Variants in ADAMTSL1 observed in about 807,000 individuals in gnomAD.
The protein encoded by ADAMTSL1 is ADAMTS like 1, also known as ADAMTS-like protein 1.
Under a neutral mutation model 201.8 loss-of-function variants are expected in ADAMTSL1, and 126 were observed. The ratio of observed to expected loss-of-function variants is 0.62; its 90% CI spans 0.54 to 0.72. ADAMTSL1 has a LOEUF of 0.72. Ranked by LOEUF, ADAMTSL1 falls within the 30% of genes least tolerant of loss-of-function variation. The pLI, the probability that ADAMTSL1 is intolerant of heterozygous loss-of-function variation, is 0.00. For missense variants in ADAMTSL1, 2,679 were observed against 2,277.8 expected (o/e 1.18, Z -3.59); for synonymous variants, 1,121 against 903.4 (o/e 1.24, Z -4.32).
chr9:18,553,885 T>A (rs1358781028), intron 3 of ADAMTSL1, among the ~76,000 whole-genome samples: 1 of 151,842 alleles, frequency 6.6e-6, no homozygotes. Flanking sequence ...TAGAAATGAA[T>A]CATTATTTTA....
At chr9:18,192,817 T>A (rs887411143) in intron 2 of ADAMTSL1, among the ~76,000 whole-genome samples, 2 of 152,154 alleles carry the variant, frequency 1.3e-5, no homozygotes, top group African/African-American at 4.8e-5. Context: ...TAGAGTATTT[T>A]CATATCCCTA....
chr9:18,018,587 G>C (rs1820353742), intron 1 of ADAMTSL1, among the ~76,000 whole-genome samples: 1 of 152,028 alleles, frequency 6.6e-6, no homozygotes, highest in African/African-American at 2.4e-5. Context: ...CTGCAACTTA[G>C]AGATGCCCGT....
intron 2 of ADAMTSL1, among the ~76,000 whole-genome samples, chr9:18,443,507 T>G (rs1820075376): frequency 6.6e-6 from 1 of 152,186 alleles, no homozygotes. Context: ...CTTTTGCTCT[T>G]TAGTAAGCCA....
At chr9:18,242,824 C>T (rs2132455918) in intron 2 of ADAMTSL1, among the ~76,000 whole-genome samples, 1 of 152,138 alleles carries the variant, frequency 6.6e-6, no homozygotes, top group South Asian at 2.1e-4. Context: ...GAAACTATAA[C>T]ATTGATGAAA....
At chr9:17,959,185 A>G (rs1319879132) in intron 1 of ADAMTSL1, among the ~76,000 whole-genome samples, 7 of 152,204 alleles carry the variant, frequency 4.6e-5, no homozygotes, top group African/African-American at 1.7e-4. Context: ...AAGACGGCAA[A>G]CTAAAAGTTA....
chr9:18,880,820 G>C (rs1828480293), intron 23 of ADAMTSL1, among the ~76,000 whole-genome samples: 1 of 152,216 alleles, frequency 6.6e-6, no homozygotes, highest in South Asian at 2.1e-4. Context: ...CAAGCTCCTA[G>C]ATAGCATCTT....
chr9:18,173,192 A>G (rs1043549004), intron 2 of ADAMTSL1, among the ~76,000 whole-genome samples: 1 of 152,190 alleles, frequency 6.6e-6, no homozygotes, highest in African/African-American at 2.4e-5. Flanking sequence ...ACTTGGGATA[A>G]TATCTGGCAA....
chr9:18,112,967 G>A (rs1042408360), intron 1 of ADAMTSL1, among the ~76,000 whole-genome samples: 1 of 152,152 alleles, frequency 6.6e-6, no homozygotes, highest in Non-Finnish European at 1.5e-5. Flanking sequence ...AGTAATGATG[G>A]AGCTGCTACG....
At chr9:18,532,090 G>A (rs918513535) in intron 2 of ADAMTSL1, among the ~76,000 whole-genome samples, 11 of 152,238 alleles carry the variant, frequency 7.2e-5, no homozygotes, top group East Asian at 5.8e-4. Context: ...ATTCTCACAG[G>A]ATTTTGTAGT....
intron 1 of ADAMTSL1, among the ~76,000 whole-genome samples, chr9:18,480,853 A>G (rs1821691082): frequency 6.6e-6 from 1 of 152,170 alleles, no homozygotes; most frequent in Non-Finnish European, 1.5e-5. Context: ...GTCCATTTTT[A>G]AAACATAGAA....
chr9:17,923,124 G>C (rs940498169), intron 1 of ADAMTSL1, among the ~76,000 whole-genome samples: 1 of 152,068 alleles, frequency 6.6e-6, no homozygotes, highest in African/African-American at 2.4e-5. Flanking sequence ...GGCAATGCGG[G>C]CTCTTTTTTG....
chr9:18,787,393 C>G (rs554539783), intron 19 of ADAMTSL1, among the ~76,000 whole-genome samples: 1 of 152,232 alleles, frequency 6.6e-6, no homozygotes, highest in African/African-American at 2.4e-5. Flanking sequence ...ACAGACAGTA[C>G]TAGTGAGGCT....
At chr9:18,712,300 G>A (rs186421074) in intron 14 of ADAMTSL1, among the ~76,000 whole-genome samples, 5,517 of 152,194 alleles carry the variant, frequency 0.036, 120 homozygotes, top group Non-Finnish European at 0.052. Flanking sequence ...AAATTACTCC[G>A]AGCTATGGGA....
intron 1 of ADAMTSL1, among the ~76,000 whole-genome samples, chr9:18,045,433 T>C (rs540778063): frequency 3.5e-4 from 54 of 152,162 alleles, no homozygotes; most frequent in Non-Finnish European, 6.0e-4. Context: ...TTTTGCTGAC[T>C]CTAGGCAAAT....
intron 19 of ADAMTSL1, among the ~76,000 whole-genome samples, chr9:18,793,750 C>T (rs1317535682): frequency 6.6e-6 from 1 of 151,974 alleles, no homozygotes; most frequent in Non-Finnish European, 1.5e-5. Flanking sequence ...CCTGTCAGGT[C>T]TAGGCACCGG....
intron 2 of ADAMTSL1, among the ~76,000 whole-genome samples, chr9:18,180,867 A>G (rs572726766): frequency 2.0e-5 from 3 of 152,276 alleles, no homozygotes; most frequent in African/African-American, 7.2e-5. Flanking sequence ...GAGGCATCAC[A>G]CTACTTGACT....
At position 18,773,035 on chromosome 9, in the gene ADAMTSL1, G is replaced by T. The variant is rs375947673; in HGVS notation, c.2397+2254G>T. Among the ~76,000 whole-genome samples the T allele has an allele frequency of 2.6e-5, 4 of 152,280 alleles. No homozygotes were observed. The South Asian group carries it at 6.2e-4, about 24-fold the overall frequency. On this transcript the variant is annotated intron_variant, in intron 17 of 28. Transcript: ENST00000380548. The stretch of plus-strand genomic sequence containing the variant: ...AGTGCTCCTGGAGGTGTTCACAAAG[G>T]CTCCACATTGACCCTGTCATCCTTA...
chr9:18,709,154 G>C (rs1212874185), intron 14 of ADAMTSL1, among the ~76,000 whole-genome samples: 2 of 152,136 alleles, frequency 1.3e-5, no homozygotes, highest in Non-Finnish European at 2.9e-5. Flanking sequence ...ATATATTTAA[G>C]CCTAAAAAGT....
At chr9:18,549,167 T>C (rs1241387259) in intron 3 of ADAMTSL1, among the ~76,000 whole-genome samples, 1 of 151,930 alleles carries the variant, frequency 6.6e-6, no homozygotes, top group African/African-American at 2.4e-5. Flanking sequence ...AGACATATCA[T>C]GGTCAAACAT....
Sources: gnomAD v4.1 joint callset for allele counts (sites outside exome capture counted in the v4.1 genomes callset) on GRCh38, gnomAD v4.1.1 for gene constraint, MANE v1.5 for transcripts, NCBI Gene and HGNC (gene_info 2026-07-23, HGNC 2026-07-21) for gene names.